Variants in ZNF827 observed in about 807,000 individuals in gnomAD.
ZNF827 encodes zinc finger protein 827.
A neutral mutation model predicts 102.4 loss-of-function variants in ZNF827; 13 were observed. The observed-to-expected ratio is 0.13, with a 90% CI of 0.08 to 0.20. The LOEUF (loss-of-function observed/expected upper bound fraction) is 0.20, where lower values mean the gene tolerates loss of function less well. Among genes scored for constraint, ZNF827 ranks in the 10% least tolerant of loss-of-function variants. The probability of loss-of-function intolerance (pLI) is 1.00; values close to 1 mark genes in which losing one functional copy is unlikely to be tolerated. For missense variants in ZNF827, 1,103 were observed against 1,344.4 expected (o/e 0.82, Z 2.81); for synonymous variants, 523 against 536.2 (o/e 0.98, Z 0.34).
chr4:145,866,219 G>C (rs1748180065), intron 5 of ZNF827, among the ~76,000 whole-genome samples: 1 of 152,160 alleles, frequency 6.6e-6, no homozygotes, highest in East Asian at 1.9e-4. Context: ...TATCTGAAAA[G>C]GGTTTCTGTT....
intron 8 of ZNF827, among the ~76,000 whole-genome samples, chr4:145,819,017 CT>C (rs1477511841): frequency 6.6e-6 from 1 of 152,114 alleles, no homozygotes; most frequent in African/African-American, 2.4e-5. Context: ...AAACTTCCCC[CT>C]GCCTACCAAA....
intron 1 of ZNF827, among the ~76,000 whole-genome samples, chr4:145,907,518 C>T (rs1169017450): frequency 6.6e-6 from 1 of 152,166 alleles, no homozygotes; most frequent in African/African-American, 2.4e-5. Context: ...GGCAGCAAGA[C>T]ACCTCCATTT....
chr4:145,902,276 G>A lies in ZNF827; in HGVS notation c.983C>T (p.Thr328Ile). Residue 328 changes from threonine (T) to isoleucine (I), a missense_variant, in exon 2 of 15, where the codon ACT becomes ATT. Around this residue, in one of 5 missense-constraint regions of ZNF827, gnomAD observed 441 missense variants for 458.6 expected, o/e 0.96. Coordinates refer to ENST00000508784, the MANE Select transcript of ZNF827 (RefSeq NM_001306215.2). The surrounding 1 kb of genome is among the most constrained non-coding windows in gnomAD (Gnocchi z 4.3). ...TGGAGGTGGCGGTGGAGGTGGCGGA[G>A]TGACTTTTTCTGGTTTCTTCTCTGA... ...PPSEKKPEKVTPPPPPPPPPP... is the reference protein window; with the variant it reads ...PPSEKKPEKVIPPPPPPPPPP... 3 of 1,590,844 alleles carry A rather than the reference G, an allele frequency of 1.9e-6. No homozygotes were observed. The South Asian group carries it at 3.5e-5, about 19-fold the overall frequency.
In ZNF827 at chr4:145,938,369, G is replaced by A; in HGVS notation, c.39C>T (p.Pro13=). Residue 13 remains proline (P), a synonymous_variant, in exon 1 of 15, where the codon CCC becomes CCT. Transcript: ENST00000508784. ...GGTGGAGAAGGGATGACTTACGTGA[G>A]GGAAGGCGCTTGGGCTGCTCCTGCT... is the stretch of plus-strand genomic sequence containing the variant. ...RRKQEQPKRL[P]SHVSRQEEAE... is the part of the protein sequence containing the mutation. 1 of 1,613,580 alleles carries A rather than the reference G, an allele frequency of 6.2e-7. No individual in the cohort carries two copies. The highest frequency in any genetic ancestry group is 1.1e-5 in the South Asian group (1 of 91,048).
chr4:145,862,512 C>T (rs1747825583), intron 5 of ZNF827, among the ~76,000 whole-genome samples: 1 of 152,100 alleles, frequency 6.6e-6, no homozygotes, highest in Admixed American at 6.5e-5. Flanking sequence ...CATTGTCCCC[C>T]AGCCATGGGA....
chr4:145,823,537 G>A lies in ZNF827; in HGVS notation c.2280-12C>T, dbSNP rs997337717. On this transcript the variant is annotated splice_polypyrimidine_tract_variant and intron_variant, in intron 7 of 14. Transcript: ENST00000508784. ...CTGAAAAGAAAGGGCTGGGGTGGGG[G>A]AGGGGGAGTGAAGTTTAGTAAATTA... 6.5e-7 allele frequency: 1 copy of A among 1,546,656 alleles called. No individual in the cohort carries two copies. The highest frequency in any genetic ancestry group is 1.1e-5 in the South Asian group (1 of 89,582).
At position 145,902,979 on chromosome 4, in the gene ZNF827, A is replaced by C. The variant is rs1751550280; in HGVS notation, c.280T>G (p.Ser94Ala). Residue 94 changes from serine (S) to alanine (A), a missense_variant, in exon 2 of 15, where the codon TCA (serine) becomes GCA (alanine). Around this residue, in one of 5 missense-constraint regions of ZNF827, gnomAD observed 441 missense variants for 458.6 expected, o/e 0.96. Coordinates refer to ENST00000508784, the MANE Select transcript of ZNF827 (RefSeq NM_001306215.2). The surrounding 1 kb of genome is among the most constrained non-coding windows in gnomAD (Gnocchi z 4.3). ...GAAAGGTGATCTTGACACTGCAGTG[A>C]GTCTCGCAGGACCTCACTGTCCAGT... The part of the protein sequence containing the change: ...VALDSEVLRD[S>A]LQCQDHLSPG... The C allele has an allele frequency of 5.6e-6, 9 of 1,614,030 alleles. No homozygotes were observed. In the East Asian group the frequency reaches 2.0e-4, roughly 36 times the overall value.
At chr4:145,797,707 G>A (rs755571212) in intron 8 of ZNF827, among the ~76,000 whole-genome samples, 23 of 152,210 alleles carry the variant, frequency 1.5e-4, no homozygotes, top group African/African-American at 3.4e-4. Context: ...GGCTTGTTTC[G>A]TCAAGTCGTT....
chr4:145,925,190 C>G (rs577847472), intron 1 of ZNF827, among the ~76,000 whole-genome samples: 5 of 152,292 alleles, frequency 3.3e-5, no homozygotes, highest in Non-Finnish European at 7.3e-5. Context: ...TCAATTACCT[C>G]GCACTAGATC....
intron 11 of ZNF827, among the ~76,000 whole-genome samples, chr4:145,772,430 C>T (rs900748779): frequency 5.3e-5 from 8 of 152,174 alleles, no homozygotes; most frequent in African/African-American, 1.7e-4. Context: ...CAAAACTATA[C>T]TAAATACAGG....
chr4:145,833,813 C>G lies in ZNF827; in HGVS notation c.2280-10288G>C, dbSNP rs551328245. ...GTGCCCCAATCCCTTATTTCCATGC[C>G]CCGACCTCTTATTTCTGCGCCCCAT... On this transcript the variant is annotated intron_variant, in intron 7 of 14. Transcript: ENST00000508784. Among the ~76,000 whole-genome samples the G allele has an allele frequency of 3.1e-3, 465 of 151,852 alleles. 5 individuals are homozygous for G. The highest frequency in any genetic ancestry group is 4.4e-3 in the Non-Finnish European group (297 of 67,956).
chr4:145,765,564 T>C lies in ZNF827; in HGVS notation c.3035A>G (p.Glu1012Gly), dbSNP rs765908191. The C allele has an allele frequency of 8.7e-6, 14 of 1,613,380 alleles. No individual in the cohort carries two copies. In the South Asian group the frequency reaches 1.5e-4, roughly 18 times the overall value. ...CTCCTTACCTTTCTCTGGCTTTTCC[T>C]CACTGTTCAGTGAGGGCTGGCTCCC... ...MPGSQPSLNSEEKPEKGFECV... is the reference protein window; with the variant it reads ...MPGSQPSLNSGEKPEKGFECV... The change falls in exon 12 of 15, where the codon GAG becomes GGG. Residue 1012 changes from glutamate to glycine, a missense_variant. Glu to Gly is a moderately conservative substitution (Grantham distance 98, BLOSUM62 -2). Around this residue, in one of 5 missense-constraint regions of ZNF827, gnomAD observed 242 missense variants for 361.9 expected, o/e 0.67. Transcript: ENST00000508784. This position sits in a 1 kb window ranked among gnomAD's most constrained non-coding sequence, Gnocchi z 4.7.
chr4:145,878,607 A>C (rs143957711), intron 4 of ZNF827, among the ~76,000 whole-genome samples: 2,489 of 75,480 alleles, frequency 0.033, 15 homozygotes, highest in Non-Finnish European at 0.034. Context: ...CAGGACAGGA[A>C]AGGAAAGGAA....
chr4:145,774,810 G>T, intron 10 of ZNF827, 138 bp from the exon 11 acceptor site: 1 of 1,024,796 alleles, frequency 9.8e-7, no homozygotes, highest in Non-Finnish European at 1.4e-6. Flanking sequence ...AAAAGGTTTT[G>T]CATTAGAAAA....
In ZNF827 at chr4:145,849,501, A is replaced by G. The variant is rs1488055157; in HGVS notation, c.2042T>C (p.Ile681Thr). 6.2e-7 allele frequency: 1 copy of G among 1,614,034 alleles called. No individual in the cohort carries two copies. Among genetic ancestry groups the G allele is most frequent in the East Asian group, 2.2e-5 (1 of 44,882 alleles). The change falls in exon 6 of 15, where the codon ATC becomes ACC. Residue 681 changes from isoleucine to threonine, a missense_variant. Around this residue, in one of 5 missense-constraint regions of ZNF827, gnomAD observed 243 missense variants for 251.6 expected, o/e 0.97. Coordinates refer to ENST00000508784, the MANE Select transcript of ZNF827 (RefSeq NM_001306215.2). ...TGATATCGAGACATGGGAGTCCTGGATGTCAACCTCCATGGGTTCCTCTTT... is the reference window on the plus strand; with the variant it reads ...TGATATCGAGACATGGGAGTCCTGGGTGTCAACCTCCATGGGTTCCTCTTT... ...KIKEEPMEVDIQDSHVSISPS... is the reference protein window; with the variant it reads ...KIKEEPMEVDTQDSHVSISPS...
rs561316558 is a variant in ZNF827, at chr4:145,865,697, C to T, written c.1981+4548G>A. Among the ~76,000 whole-genome samples, 16 of 152,308 alleles carry T rather than the reference C, an allele frequency of 1.1e-4. 1 individual carries two copies. In the Middle Eastern group the frequency reaches 0.01, roughly 97 times the overall value. ...GCACCAAACACATTTCCACTCAATA[C>T]TGAAATGACAGCAACCACCATAATT... On this transcript the variant is annotated intron_variant, in intron 5 of 14. Transcript: ENST00000508784.
At chr4:145,901,379 G>A (rs1191913906) in intron 2 of ZNF827, among the ~76,000 whole-genome samples, 1 of 152,208 alleles carries the variant, frequency 6.6e-6, no homozygotes, top group Non-Finnish European at 1.5e-5. Context: ...GAGAATTCAA[G>A]TGACTAAATT....
At position 145,856,749 on chromosome 4, in the gene ZNF827, G is replaced by A. The variant is rs190275250; in HGVS notation, c.1982-7188C>T. Among the ~76,000 whole-genome samples, 4 of 134,374 alleles carry A rather than the reference G, an allele frequency of 3.0e-5. No individual in the cohort carries two copies. The East Asian group carries it at 6.9e-4, about 23-fold the overall frequency. 88.2% of individuals were successfully genotyped at this position (134,374 alleles called of 152,430 possible). ...CCCCATTTCACTCAGAATAGTGCAG[G>A]GAAAACTGAGCAAACCACGAGACCA... On this transcript the variant is annotated intron_variant, in intron 5 of 14. Coordinates refer to ENST00000508784, the MANE Select transcript of ZNF827 (RefSeq NM_001306215.2).
intron 8 of ZNF827, among the ~76,000 whole-genome samples, chr4:145,807,716 C>T (rs565458241): frequency 9.3e-5 from 14 of 150,710 alleles, no homozygotes; most frequent in Admixed American, 2.6e-4. Flanking sequence ...GTGATTCGCC[C>T]GCCTTGGCCT....
Sources: allele counts gnomAD v4.1 joint callset (sites outside exome capture counted in the v4.1 genomes callset), GRCh38; gene constraint gnomAD v4.1.1; regional missense constraint gnomAD v4.1.1; non-coding constraint Gnocchi (gnomAD v3.1); transcripts MANE v1.5; gene names NCBI Gene and HGNC (gene_info 2026-07-23, HGNC 2026-07-21).